ZBTB24: variants seen among roughly 807,000 people sequenced by gnomAD.
ZBTB24 encodes the protein zinc finger and BTB domain-containing protein 24.
Under a neutral mutation model 53.8 loss-of-function variants are expected in ZBTB24, and 32 were observed. The ratio of observed to expected loss-of-function variants is 0.60; its 90% CI spans 0.45 to 0.80. The LOEUF (loss-of-function observed/expected upper bound fraction) is 0.80. Ranked by LOEUF, ZBTB24 falls within the 30% of genes least tolerant of loss-of-function variation. The pLI, the probability that ZBTB24 is intolerant of heterozygous loss-of-function variation, is 0.00. For missense variants in ZBTB24, 722 were observed against 837.1 expected (o/e 0.86, Z 1.70); for synonymous variants, 297 against 306.7 (o/e 0.97, Z 0.33).
chr6:109,465,699 T>C lies in ZBTB24; in HGVS notation c.*152A>G. 1 of 1,603,526 alleles carries C rather than the reference T, an allele frequency of 6.2e-7. No individual in the cohort carries two copies. ...ACATACACACATCTTGCTACCTGGATGGAGGGCATTATAAACATCAGTTAG... is the reference window on the plus strand; with the variant it reads ...ACATACACACATCTTGCTACCTGGACGGAGGGCATTATAAACATCAGTTAG... On this transcript the variant is annotated 3_prime_UTR_variant, in exon 7 of 7. Transcript: ENST00000230122.
Position 109,481,614 on chromosome 6 carries a change from G to A in ZBTB24, c.413C>T (p.Thr138Ile), listed in dbSNP as rs781202246. The change falls in exon 2 of 7, where the codon ACA becomes ATA. Residue 138 changes from threonine to isoleucine, a missense_variant. By Grantham distance (89) the Thr-to-Ile change is moderately conservative. Transcript: ENST00000230122. ...TGGGGCACCAGCAGTGTTCAAAGTT[G>A]TTGGCTTTGGGGAGCTATGATTATT... ...FQNNHSSPKP[T>I]TLNTAGAPVV... is the part of the protein sequence containing the mutation. 1 of 1,614,200 alleles carries A rather than the reference G, an allele frequency of 6.2e-7. No individual in the cohort carries two copies. The highest frequency in any genetic ancestry group is 8.5e-7 in the Non-Finnish European group (1 of 1,180,030).
intron 5 of ZBTB24, among the ~76,000 whole-genome samples, chr6:109,474,449 TG>T (rs560208073): frequency 6.6e-6 from 1 of 151,812 alleles, no homozygotes; most frequent in East Asian, 2.0e-4. Flanking sequence ...AAAATAATCT[TG>T]GGCCAGGCAC....
chr6:109,470,846 T>TA (rs1198996728), intron 5 of ZBTB24, among the ~76,000 whole-genome samples: 1 of 152,262 alleles, frequency 6.6e-6, no homozygotes, highest in Non-Finnish European at 1.5e-5. Flanking sequence ...TTTGCGGTCT[T>TA]ACTGTGTGAG....
intron 5 of ZBTB24, among the ~76,000 whole-genome samples, chr6:109,472,365 C>T (rs1776184932): frequency 2.0e-5 from 3 of 152,174 alleles, no homozygotes; most frequent in Admixed American, 1.3e-4. Context: ...ACACATCTTC[C>T]ACTTTCTGTT....
At position 109,465,604 on chromosome 6, in the gene ZBTB24, C is replaced by A. The variant is rs1776014660; in HGVS notation, c.*247G>T. 6.6e-7 allele frequency: 1 copy of A among 1,508,554 alleles called. No individual in the cohort carries two copies. 93.4% of individuals were successfully genotyped at this position (1,508,554 alleles called of 1,614,324 possible). On this transcript the variant is annotated 3_prime_UTR_variant, in exon 7 of 7. Transcript: ENST00000230122. ...AAAAACTACCCGAGTCTTTATGAGA[C>A]ATTGCAGATTAAAATGAAAACCATT...
intron 5 of ZBTB24, 44 bp from the exon 6 acceptor site, chr6:109,467,778 A>C: frequency 1.3e-6 from 2 of 1,598,340 alleles, no homozygotes; most frequent in Non-Finnish European, 8.5e-7. Context: ...AAACAAAAAA[A>C]CATTTAACAA....
At chr6:109,466,679 G>T in intron 6 of ZBTB24, 105 bp from the exon 7 acceptor site, 1 of 1,447,118 alleles carries the variant, frequency 6.9e-7, no homozygotes, top group Non-Finnish European at 9.4e-7. Flanking sequence ...TAACTAGACT[G>T]CAAGTCATAA....
chr6:109,471,036 G>A (rs147916710), intron 5 of ZBTB24, among the ~76,000 whole-genome samples: 73 of 152,312 alleles, frequency 4.8e-4, no homozygotes, highest in Middle Eastern at 3.4e-3. Context: ...AATATCCTTA[G>A]GCAAACATCT....
At chr6:109,469,118 G>C (rs1776114559) in intron 5 of ZBTB24, among the ~76,000 whole-genome samples, 1 of 152,136 alleles carries the variant, frequency 6.6e-6, no homozygotes, top group African/African-American at 2.4e-5. Context: ...CAACTCGGAT[G>C]AATCTGCATC....
intron 5 of ZBTB24, among the ~76,000 whole-genome samples, chr6:109,472,016 C>T (rs1470403043): frequency 6.6e-6 from 1 of 152,132 alleles, no homozygotes; most frequent in Non-Finnish European, 1.5e-5. Context: ...TTTGACTTCT[C>T]CAGTGCTTGG....
intron 2 of ZBTB24, among the ~76,000 whole-genome samples, chr6:109,479,424 C>T (rs1429975291): frequency 1.3e-5 from 2 of 152,108 alleles, no homozygotes; most frequent in African/African-American, 2.4e-5. Flanking sequence ...ATTACTAGAC[C>T]GGGAAAAGAT....
intron 3 of ZBTB24, 123 bp downstream of exon 3, chr6:109,476,640 G>A: frequency 7.3e-7 from 1 of 1,361,024 alleles, no homozygotes; most frequent in Non-Finnish European, 1.0e-6. Context: ...GCAAAATCCT[G>A]TCTTTCAATG....
At chr6:109,479,143 G>C (rs908912024) in intron 2 of ZBTB24, among the ~76,000 whole-genome samples, 3 of 152,168 alleles carry the variant, frequency 2.0e-5, no homozygotes, top group African/African-American at 7.2e-5. Flanking sequence ...TTCCAGAACT[G>C]AAAGACAGTT....
rs544152779 is a variant in ZBTB24 at position 109,473,213 on chromosome 6, G to A, written c.1288+2186C>T. On this transcript the variant is annotated intron_variant, in intron 5 of 6. Coordinates refer to ENST00000230122, the MANE Select transcript of ZBTB24 (RefSeq NM_014797.3). ...AGTCAATCAGAATCTTGGCAGCTGG[G>A]ACAAGGCTTTTTTTTAAAGCTTCCC... 5.1e-4 allele frequency among the ~76,000 whole-genome samples: 77 copies of A among 152,268 alleles called. No homozygotes were observed. The Middle Eastern group carries it at 0.014, about 27-fold the overall frequency.
chr6:109,462,715 T>C lies in ZBTB24; in HGVS notation c.*3136A>G, dbSNP rs1775918060. On this transcript the variant is annotated 3_prime_UTR_variant, in exon 7 of 7. Coordinates refer to ENST00000230122, the MANE Select transcript of ZBTB24 (RefSeq NM_014797.3). Reference sequence around the variant, plus strand: ...AGCACTGGGCAAGCACTTGAATAACTGATTTTGATGGTAAGAGCTCCAATC... The same window carrying C: ...AGCACTGGGCAAGCACTTGAATAACCGATTTTGATGGTAAGAGCTCCAATC... 6.6e-6 allele frequency: 1 copy of C among 152,232 alleles called. No homozygotes were observed. The allele number at this position is 152,232 out of a possible 1,614,324, so 9.4% of individuals were successfully genotyped here.
At chr6:109,477,027 G>C in intron 2 of ZBTB24, 97 bp from the exon 3 acceptor site, 1 of 1,505,718 alleles carries the variant, frequency 6.6e-7, no homozygotes, top group Non-Finnish European at 9.0e-7. Flanking sequence ...TTTCTTAAAA[G>C]GCACACATCC....
chr6:109,475,564 C>T (rs1214004808), intron 4 of ZBTB24, 82 bp from the exon 5 acceptor site: 5 of 1,516,670 alleles, frequency 3.3e-6, no homozygotes, highest in African/African-American at 1.4e-5. Context: ...AAGCACTTCC[C>T]TGAAAAATAA....
chr6:109,481,500 G>A lies in ZBTB24; in HGVS notation c.527C>T (p.Ser176Leu). 1.2e-6 allele frequency: 2 copies of A among 1,614,156 alleles called. No individual in the cohort carries two copies. Among genetic ancestry groups the A allele is most frequent in the Non-Finnish European group, 1.7e-6 (2 of 1,180,040 alleles). The change falls in exon 2 of 7, where the codon TCA becomes TTA. Residue 176 changes from serine to leucine, a missense_variant. Transcript: ENST00000230122. ...TATTTCTTCCTCTGCAGCCAGTTCT[G>A]ATTTCTCCTCCTGCAATGTATTGAC... The part of the protein sequence containing the change: ...KKVNTLQEEK[S>L]ELAAEEEIQL...
intron 5 of ZBTB24, among the ~76,000 whole-genome samples, chr6:109,474,868 T>C (rs932913585): frequency 6.6e-6 from 1 of 151,476 alleles, no homozygotes; most frequent in Non-Finnish European, 1.5e-5. Context: ...GTGGGACCCA[T>C]CTCTACAAAA....
Sources: allele counts gnomAD v4.1 joint callset (sites outside exome capture counted in the v4.1 genomes callset), GRCh38; gene constraint gnomAD v4.1.1; transcripts MANE v1.5; gene names NCBI Gene and HGNC (gene_info 2026-07-23, HGNC 2026-07-21).